PTPRD: variants seen among roughly 807,000 people sequenced by gnomAD.
PTPRD encodes protein tyrosine phosphatase receptor type D.
In PTPRD, 34 loss-of-function variants were observed where a neutral mutation model predicts 214.5. That is an observed-to-expected ratio of 0.16 (90% CI 0.12 to 0.21). The LOEUF is 0.21. Ranked by LOEUF, PTPRD falls within the 10% of genes least tolerant of loss-of-function variation. The probability of loss-of-function intolerance (pLI) is 1.00; values close to 1 mark genes in which losing one functional copy is unlikely to be tolerated. For missense variants in PTPRD, 2,545 were observed against 2,398.7 expected (o/e 1.06, Z -1.27); for synonymous variants, 1,128 against 845.7 (o/e 1.33, Z -5.79).
chr9:10,089,371 T>G (rs1172096448), intron 3 of PTPRD, among the ~76,000 whole-genome samples: 1 of 151,632 alleles, frequency 6.6e-6, no homozygotes, highest in African/African-American at 2.4e-5. Flanking sequence ...GTATATGGAA[T>G]AGACTTATTT....
chr9:8,750,618 C>G (rs10123942), intron 11 of PTPRD, among the ~76,000 whole-genome samples: 8,721 of 152,136 alleles, frequency 0.057, 641 homozygotes, highest in African/African-American at 0.17. Flanking sequence ...AAGCCTGAAC[C>G]TGAATGACAA....
At chr9:8,461,778 A>G (rs760664236) in intron 32 of PTPRD, among the ~76,000 whole-genome samples, 18 of 152,086 alleles carry the variant, frequency 1.2e-4, no homozygotes, top group South Asian at 6.2e-4. Context: ...TGAGTTAATT[A>G]TCTCTGACTC....
intron 10 of PTPRD, among the ~76,000 whole-genome samples, chr9:9,162,142 C>T (rs2099890770): frequency 6.6e-6 from 1 of 152,082 alleles, no homozygotes; most frequent in Admixed American, 6.6e-5. Context: ...TAGAAAATTC[C>T]TCACAGTGAG....
intron 3 of PTPRD, among the ~76,000 whole-genome samples, chr9:10,138,289 G>A (rs971813334): frequency 2.6e-5 from 4 of 151,940 alleles, no homozygotes; most frequent in African/African-American, 9.7e-5. Flanking sequence ...GAAATCCAGA[G>A]GACATGAATA....
intron 39 of PTPRD, among the ~76,000 whole-genome samples, chr9:8,360,642 C>T (rs748963847): frequency 2.6e-5 from 4 of 152,262 alleles, no homozygotes; most frequent in Non-Finnish European, 5.9e-5. Context: ...TAAATATTTA[C>T]TGGTTATATT....
At chr9:9,479,220 C>G (rs1041892140) in intron 8 of PTPRD, among the ~76,000 whole-genome samples, 1 of 28,872 alleles carries the variant, frequency 3.5e-5, no homozygotes, top group Non-Finnish European at 9.4e-5. Flanking sequence ...CACACGCCCC[C>G]CCCCCCCCCA....
chr9:8,397,243 G>A (rs1328124789), intron 36 of PTPRD, among the ~76,000 whole-genome samples: 2 of 152,030 alleles, frequency 1.3e-5, no homozygotes, highest in African/African-American at 4.8e-5. Flanking sequence ...CTAGTGACTG[G>A]GAAAGAGAGG....
Position 9,118,819 on chromosome 9 carries a change from C to T in PTPRD, c.-143+64485G>A, listed in dbSNP as rs1189046706. On this transcript the variant is annotated intron_variant, in intron 10 of 45. Transcript: ENST00000381196. ...AGTGAAGGATGAAGTACTTATTCTA[C>T]CTTAAAGTAAATAATAAGAGCATTT... is the stretch of plus-strand genomic sequence containing the variant. Among the ~76,000 whole-genome samples the T allele has an allele frequency of 3.9e-5, 6 of 152,060 alleles. No individual in the cohort carries two copies. In the East Asian group the frequency reaches 1.2e-3, roughly 29 times the overall value.
intron 9 of PTPRD, among the ~76,000 whole-genome samples, chr9:9,278,115 A>G (rs932795359): frequency 6.6e-6 from 1 of 151,406 alleles, no homozygotes; most frequent in African/African-American, 2.4e-5. Context: ...ATAGAATTAG[A>G]CATTTTATTC....
In PTPRD at chr9:10,554,895, C is replaced by T. The variant is rs190014632; in HGVS notation, c.-600+57503G>A. Among the ~76,000 whole-genome samples the T allele has an allele frequency of 4.4e-3, 667 of 152,250 alleles. 7 individuals are homozygous for T. Among genetic ancestry groups the T allele is most frequent in the African/African-American group, 0.015 (616 of 41,554 alleles). ...CAGGATGGTCTCGATCTCCTGACCT[C>T]GTGATCCGCCCACCTGGGCCTCCCA... On this transcript the variant is annotated intron_variant, in intron 2 of 45. Transcript: ENST00000381196.
intron 3 of PTPRD, among the ~76,000 whole-genome samples, chr9:10,286,664 C>A (rs898352376): frequency 9.9e-5 from 15 of 152,166 alleles, no homozygotes; most frequent in Non-Finnish European, 1.6e-4. Context: ...GTGGCAGGAT[C>A]TTGGCTCACT....
chr9:9,731,247 T>G (rs1387436785), intron 7 of PTPRD, among the ~76,000 whole-genome samples: 1 of 152,162 alleles, frequency 6.6e-6, no homozygotes, highest in Non-Finnish European at 1.5e-5. Flanking sequence ...TAATTTGGAA[T>G]CTAAGTTTGC....
At chr9:8,819,236 T>C (rs967365771) in intron 11 of PTPRD, among the ~76,000 whole-genome samples, 2 of 152,252 alleles carry the variant, frequency 1.3e-5, no homozygotes, top group Non-Finnish European at 2.9e-5. Flanking sequence ...TGTGACTTAC[T>C]TGACATGCTT....
At chr9:8,337,250 A>C (rs1481382343) in intron 43 of PTPRD, among the ~76,000 whole-genome samples, 1 of 152,218 alleles carries the variant, frequency 6.6e-6, no homozygotes, top group African/African-American at 2.4e-5. Context: ...CATATACACT[A>C]TGGAATATTA....
intron 10 of PTPRD, among the ~76,000 whole-genome samples, chr9:9,106,406 C>A (rs976150458): frequency 1.3e-5 from 2 of 151,604 alleles, no homozygotes; most frequent in African/African-American, 4.8e-5. Flanking sequence ...ATCTTTCCAG[C>A]ATCCATAAGA....
intron 43 of PTPRD, among the ~76,000 whole-genome samples, chr9:8,335,265 C>T (rs965489039): frequency 1.3e-5 from 2 of 151,138 alleles, no homozygotes; most frequent in Non-Finnish European, 3.0e-5. Flanking sequence ...CAAACCGAAT[C>T]CAGCAGCACA....
intron 5 of PTPRD, among the ~76,000 whole-genome samples, chr9:9,767,983 C>A (rs868447596): frequency 2.6e-5 from 4 of 152,038 alleles, no homozygotes; most frequent in African/African-American, 9.7e-5. Flanking sequence ...AAGCTATCAT[C>A]GAAACAGCAC....
chr9:8,695,044 G>A (rs1369354064), intron 12 of PTPRD, among the ~76,000 whole-genome samples: 2 of 152,150 alleles, frequency 1.3e-5, no homozygotes, highest in Non-Finnish European at 2.9e-5. Flanking sequence ...CTCAATAGCA[G>A]CTCAATCGCT....
chr9:10,601,405 A>C (rs892241869), intron 2 of PTPRD, among the ~76,000 whole-genome samples: 5 of 151,778 alleles, frequency 3.3e-5, no homozygotes, highest in Non-Finnish European at 7.4e-5. Context: ...TTGATGAGAC[A>C]ACCTACATTT....
Sources: allele counts gnomAD v4.1 joint callset (sites outside exome capture counted in the v4.1 genomes callset), GRCh38; gene constraint gnomAD v4.1.1; transcripts MANE v1.5; gene names NCBI Gene and HGNC (gene_info 2026-07-23, HGNC 2026-07-21).